Variants in STAB2 observed in about 807,000 individuals in gnomAD.
STAB2 encodes the protein stabilin-2.
In STAB2, 288 loss-of-function variants were observed where a neutral mutation model predicts 338.1. The ratio of observed to expected loss-of-function variants is 0.85; its 90% confidence interval spans 0.77 to 0.94. The LOEUF is 0.94. STAB2 is among the 40% of genes least tolerant of loss of function. STAB2 has a pLI of 0.00. For missense variants in STAB2, 3,141 were observed against 3,210.1 expected, an observed-to-expected ratio of 0.98 and a Z score of 0.52; for synonymous variants, 1,202 against 1,193.3, an observed-to-expected ratio of 1.01 and a Z score of -0.15.
intron 38 of STAB2, among the ~76,000 whole-genome samples, chr12:103,707,805 T>C (rs556170804): frequency 6.7e-6 from 1 of 149,386 alleles, no homozygotes; most frequent in African/African-American, 2.6e-5. Context: ...ATTGAATCAT[T>C]ATAATTGGGC....
chr12:103,752,025 A>G (rs1344738078), intron 60 of STAB2, among the ~76,000 whole-genome samples: 1 of 152,180 alleles, frequency 6.6e-6, no homozygotes, highest in Admixed American at 6.5e-5. Context: ...CATGATTTGC[A>G]GCCGATTTGG....
chr12:103,640,340 G>A, intron 9 of STAB2, 84 bp downstream of exon 9: 1 of 1,541,710 alleles, frequency 6.5e-7, no homozygotes, highest in Non-Finnish European at 8.8e-7. Flanking sequence ...TGAAGGGGAG[G>A]AAATGTGTCT....
At chr12:103,667,997 G>GA (rs1310415499) in intron 19 of STAB2, among the ~76,000 whole-genome samples, 2 of 152,032 alleles carry the variant, frequency 1.3e-5, no homozygotes, top group African/African-American at 2.4e-5. Flanking sequence ...GTGTTTCTTG[G>GA]AAAAAATGAT....
intron 3 of STAB2, among the ~76,000 whole-genome samples, chr12:103,619,041 T>C (rs1957256258): frequency 1.3e-5 from 2 of 152,226 alleles, no homozygotes. Flanking sequence ...TTCTTTGTCT[T>C]CTGCCATAAT....
At chr12:103,746,843 G>C (rs1883079095) in intron 58 of STAB2, 139 bp downstream of exon 58, 1 of 747,192 alleles carries the variant, frequency 1.3e-6, no homozygotes, top group South Asian at 1.6e-5. Flanking sequence ...CTATGACTCA[G>C]TTTCTTTAAT....
At chr12:103,590,766 A>G (rs1402808926) in intron 1 of STAB2, 131 bp from the exon 2 acceptor site, 3 of 1,084,266 alleles carry the variant, frequency 2.8e-6, no homozygotes, top group Non-Finnish European at 2.7e-6. Flanking sequence ...ATTACCAATC[A>G]ACCTTATCAC....
intron 30 of STAB2, among the ~76,000 whole-genome samples, chr12:103,692,359 C>T (rs1355005410): frequency 6.6e-6 from 1 of 151,384 alleles, no homozygotes; most frequent in East Asian, 2.0e-4. Context: ...ATCTGAGGTA[C>T]TAGGGGTTAG....
intron 47 of STAB2, 81 bp downstream of exon 47, chr12:103,727,431 G>T: frequency 1.3e-6 from 2 of 1,488,090 alleles, no homozygotes; most frequent in Non-Finnish European, 1.9e-6. Flanking sequence ...ACCAAGACTG[G>T]AGATGTTTCT....
At position 103,714,154 on chromosome 12, in the gene STAB2, AT is replaced by A. The variant is rs747092066; in HGVS notation, c.4537+395del. On this transcript the variant is annotated intron_variant, in intron 42 of 68. Transcript: ENST00000388887. ...ACCCCATTTTGCTATGCCTACATGT[AT>A]TTTTTTTTAACAAAAATGGTATCTC... Among the ~76,000 whole-genome samples the A allele has an allele frequency of 3.1e-3, 468 of 151,486 alleles. 1 individual carries two copies. The highest frequency in any genetic ancestry group is 5.4e-3 in the Non-Finnish European group (365 of 67,802).
At chr12:103,590,791 C>A in intron 1 of STAB2, 106 bp from the exon 2 acceptor site, 1 of 1,356,102 alleles carries the variant, frequency 7.4e-7, no homozygotes. Context: ...CCTGACGTTC[C>A]ATTGAGATGA....
Position 103,763,525 on chromosome 12 carries a change from A to G in STAB2, c.7522A>G (p.Lys2508Glu). ...EEDINVAALG[K>E]QQPENISNPL... is the part of the protein sequence containing the mutation. ...GGACATTAATGTTGCAGCTCTTGGC[A>G]AGCAGCAGCCTGAGAATATCTCGAA... Residue 2508 changes from lysine to glutamate, a missense_variant, in exon 68 of 69, where the codon AAG becomes GAG. Lys to Glu is a moderately conservative substitution (Grantham distance 56, BLOSUM62 1). Coordinates refer to ENST00000388887, the MANE Select transcript of STAB2 (RefSeq NM_017564.10). 6.2e-7 allele frequency: 1 copy of G among 1,614,114 alleles called. No individual in the cohort carries two copies. The highest frequency in any genetic ancestry group is 1.1e-5 in the South Asian group (1 of 91,078).
In STAB2 at chr12:103,620,452, C is replaced by A. The variant is rs1305986970; in HGVS notation, c.332-16C>A. 5.1e-6 allele frequency: 8 copies of A among 1,567,766 alleles called. No homozygotes were observed. Among genetic ancestry groups the A allele is most frequent in the Non-Finnish European group, 6.1e-6 (7 of 1,154,808 alleles). On this transcript the variant is annotated splice_polypyrimidine_tract_variant and intron_variant, in intron 3 of 68. Transcript: ENST00000388887. Reference sequence around the variant, plus strand: ...GCAGTCACGAATGAATACATCTGAGCTGTTTGATTCCCTAGAGTGCCCAGG... The same window carrying A: ...GCAGTCACGAATGAATACATCTGAGATGTTTGATTCCCTAGAGTGCCCAGG...
intron 68 of STAB2, 195 bp from the exon 69 acceptor site, chr12:103,766,091 G>C (rs1486108162): frequency 1.4e-6 from 1 of 723,520 alleles, no homozygotes; most frequent in Middle Eastern, 2.3e-4. Flanking sequence ...AAGCAGGAGA[G>C]ACTAAAACAG....
intron 25 of STAB2, among the ~76,000 whole-genome samples, chr12:103,678,677 C>A (rs1300326260): frequency 1.3e-5 from 2 of 152,134 alleles, no homozygotes; most frequent in African/African-American, 4.8e-5. Context: ...CAGGCACCCA[C>A]CACCACGCCT....
rs1479410056 is a variant in STAB2 at position 103,685,002 on chromosome 12, C to A, written c.2915C>A (p.Ser972Tyr). The stretch of plus-strand genomic sequence containing the variant: ...TGGTTTTCTCAGGCAAGCTGTCAAT[C>A]TACTTCGTCTGGTGTCTGGAGCTGT... ...GKCHPLASCQ[S>Y]TSSGVWSCVC... Residue 972 changes from serine (S) to tyrosine (Y), a missense_variant, in exon 27 of 69, where the codon TCT becomes TAT. Transcript: ENST00000388887. 1 of 1,613,862 alleles carries A rather than the reference C, an allele frequency of 6.2e-7. No homozygotes were observed. Among genetic ancestry groups the A allele is most frequent in the South Asian group, 1.1e-5 (1 of 91,066 alleles).
Position 103,755,421 on chromosome 12 carries a change from A to G in STAB2, c.6834A>G (p.Arg2278=). The G allele has an allele frequency of 7.4e-6, 12 of 1,614,066 alleles. No individual in the cohort carries two copies. Among genetic ancestry groups the G allele is most frequent in the Non-Finnish European group, 9.3e-6 (11 of 1,180,014 alleles). Residue 2278 remains arginine (R), a synonymous_variant, in exon 62 of 69, where the codon AGA becomes AGG. Transcript: ENST00000388887. ...TTGGGATAGTGGACTATGGACCTAG[A>G]CCCAACAAGAGTGAAATGTGGGATG... ...GVVGIVDYGP[R]PNKSEMWDVF... is the part of the protein sequence containing the mutation.
chr12:103,634,109 A>G (rs140017854), intron 6 of STAB2, among the ~76,000 whole-genome samples: 6 of 152,348 alleles, frequency 3.9e-5, no homozygotes, highest in Admixed American at 1.3e-4. Context: ...GGTACATCCT[A>G]TACTAGTTAG....
chr12:103,712,551 C>A, intron 41 of STAB2, 108 bp downstream of exon 41: 2 of 817,806 alleles, frequency 2.4e-6, no homozygotes, highest in Non-Finnish European at 2.1e-6. Flanking sequence ...GTGCCAACCA[C>A]TGATGGTGAA....
intron 5 of STAB2, among the ~76,000 whole-genome samples, chr12:103,627,909 CT>C (rs549465401): frequency 1.0e-3 from 152 of 152,324 alleles, no homozygotes; most frequent in African/African-American, 3.6e-3. Context: ...AGCTCCTGGA[CT>C]TTAGATATTA....
Sources: gnomAD v4.1 joint callset for allele counts (sites outside exome capture counted in the v4.1 genomes callset) on GRCh38, gnomAD v4.1.1 for gene constraint, MANE v1.5 for transcripts, NCBI Gene and HGNC (gene_info 2026-07-23, HGNC 2026-07-21) for gene names.